The following RPAP1 variants were observed in gnomAD, a reference collection of about 807,000 sequenced individuals.
RPAP1 encodes the protein RNA polymerase II associated protein 1.
RPAP1 carries 109 observed loss-of-function variants against 142.4 expected under a neutral mutation model. The observed-to-expected ratio is 0.77, with a 90% CI of 0.66 to 0.90. The LOEUF (loss-of-function observed/expected upper bound fraction) is 0.90. Among genes scored for constraint, RPAP1 ranks in the 40% least tolerant of loss-of-function variants. The probability of loss-of-function intolerance (pLI) is 0.00; values close to 1 mark genes in which losing one functional copy is unlikely to be tolerated. For missense variants in RPAP1, 1,546 were observed against 1,751.7 expected, an observed-to-expected ratio of 0.88 and a Z score of 2.10; for synonymous variants, 704 against 738.9, an observed-to-expected ratio of 0.95 and a Z score of 0.77.
chr15:41,543,164 C>A (rs1479344094), intron 1 of RPAP1, among the ~76,000 whole-genome samples: 2 of 149,892 alleles, frequency 1.3e-5, no homozygotes. Flanking sequence ...ACTAAATGCA[C>A]TAAATGTGCG....
chr15:41,533,911 CAGG>C (rs1324841565), intron 6 of RPAP1, among the ~76,000 whole-genome samples: 4 of 150,778 alleles, frequency 2.7e-5, no homozygotes, highest in Non-Finnish European at 5.9e-5. Flanking sequence ...CACCTGAGGT[CAGG>C]AGTTCGACAC....
rs1216117628 is a variant in RPAP1 at position 41,527,848 on chromosome 15, T to A, written c.1428+12A>T. On this transcript the variant is annotated intron_variant, in intron 11 of 24. Coordinates refer to ENST00000304330, the MANE Select transcript of RPAP1 (RefSeq NM_015540.4). ...CCTCCCAGCCCAAGCCCCATTCCTA[T>A]CCCTGTGGTACCTCATCTCCAGGAG... 3 of 1,613,906 alleles carry A rather than the reference T, an allele frequency of 1.9e-6. No homozygotes were observed. The highest frequency in any genetic ancestry group is 2.5e-6 in the Non-Finnish European group (3 of 1,179,942).
At chr15:41,538,539 CAACA>C (rs1340095175) in intron 1 of RPAP1, among the ~76,000 whole-genome samples, 2 of 151,642 alleles carry the variant, frequency 1.3e-5, no homozygotes, top group Non-Finnish European at 2.9e-5. Context: ...CAAAAAAAAT[CAACA>C]AACAGGTCAG....
At chr15:41,521,239 G>T in intron 21 of RPAP1, 92 bp from the exon 22 acceptor site, 2 of 1,266,340 alleles carry the variant, frequency 1.6e-6, no homozygotes, top group Non-Finnish European at 2.2e-6. Context: ...AGGCTCCTAG[G>T]TCCAGACCTG....
Position 41,521,066 on chromosome 15 carries a change from C to A in RPAP1, c.3120G>T (p.Gly1040=). Residue 1040 remains glycine, a synonymous_variant, in exon 22 of 25, where the codon GGG becomes GGT. Transcript: ENST00000304330. The stretch of plus-strand genomic sequence containing the variant: ...AGGCCTGAGCCAGCAGAGTCCCTTG[C>A]CCACACCGAGGGACCCTGCTGCTTC... ...SLGSSRVPRC[G]QGTLLAQACQ... 1.9e-6 allele frequency: 3 copies of A among 1,560,614 alleles called. No individual in the cohort carries two copies. The highest frequency in any genetic ancestry group is 1.2e-5 in the South Asian group (1 of 81,358).
intron 6 of RPAP1, 55 bp from the exon 7 acceptor site, chr15:41,531,257 T>G (rs2051844676): frequency 6.5e-7 from 1 of 1,528,216 alleles, no homozygotes; most frequent in African/African-American, 1.4e-5. Flanking sequence ...CCTGGCCTCC[T>G]ACAGACCTGG....
At chr15:41,518,660 C>T (rs1359950247) in intron 22 of RPAP1, among the ~76,000 whole-genome samples, 2 of 144,544 alleles carry the variant, frequency 1.4e-5, no homozygotes, top group Admixed American at 1.4e-4. Flanking sequence ...GCCTGGGCAA[C>T]AGAGCAAGAC....
At chr15:41,536,086 CCTGT>C in intron 4 of RPAP1, 39 bp downstream of exon 4, 2 of 1,461,620 alleles carry the variant, frequency 1.4e-6, no homozygotes, top group Non-Finnish European at 1.9e-6. Flanking sequence ...ATGAGACTCA[CCTGT>C]CTGTCTCCTG....
chr15:41,540,520 C>T (rs1015824148), intron 1 of RPAP1, among the ~76,000 whole-genome samples: 3 of 152,150 alleles, frequency 2.0e-5, no homozygotes, highest in Non-Finnish European at 4.4e-5. Context: ...AGGCTGGTCT[C>T]GAACTCCCGA....
At chr15:41,534,982 C>A in intron 5 of RPAP1, 47 bp from the exon 6 acceptor site, 1 of 1,569,816 alleles carries the variant, frequency 6.4e-7, no homozygotes, top group South Asian at 1.1e-5. Flanking sequence ...CTCCAGGGCT[C>A]TAACTGGGCT....
chr15:41,527,452 G>T lies in RPAP1; in HGVS notation c.1582C>A (p.Pro528Thr), dbSNP rs944397034. 1.9e-6 allele frequency: 3 copies of T among 1,614,122 alleles called. No individual in the cohort carries two copies. The African/African-American group carries it at 4.0e-5, about 22-fold the overall frequency. Residue 528 changes from proline (P) to threonine (T), a missense_variant, in exon 12 of 25, where the codon CCT becomes ACT. Pro to Thr is a conservative substitution (Grantham distance 38). Coordinates refer to ENST00000304330, the MANE Select transcript of RPAP1 (RefSeq NM_015540.4). ...KSPEEESRPP[P>T]DLARHDVIKG... The stretch of plus-strand genomic sequence containing the variant: ...ATGACATCATGTCGGGCCAGGTCAG[G>T]TGGAGGCCGGCTTTCTTCTTCAGGG...
At chr15:41,528,910 G>A (rs948932018) in intron 9 of RPAP1, among the ~76,000 whole-genome samples, 7 of 152,182 alleles carry the variant, frequency 4.6e-5, no homozygotes, top group African/African-American at 1.7e-4. Flanking sequence ...ACATGGAATG[G>A]CAGGGGGGCG....
At chr15:41,529,403 G>T in intron 9 of RPAP1, 67 bp downstream of exon 9, 2 of 1,052,374 alleles carry the variant, frequency 1.9e-6, no homozygotes, top group South Asian at 2.7e-5. Flanking sequence ...AAAGGCAGTT[G>T]ACCAGAGATC....
In RPAP1 at chr15:41,518,178, G is replaced by A. The variant is rs377042208; in HGVS notation, c.3800C>T (p.Pro1267Leu). Residue 1267 changes from proline (P) to leucine (L), a missense_variant, in exon 23 of 25, where the codon CCT (proline) becomes CTT (leucine). Physicochemically the swap from Pro to Leu is moderately conservative, Grantham distance 98 (BLOSUM62 -3). Coordinates refer to ENST00000304330, the MANE Select transcript of RPAP1 (RefSeq NM_015540.4). ...CACTGTGTAACACTCCAGGGACACAGGCAACTGTGACAGGGGAAATGACGT... is the reference window on the plus strand; with the variant it reads ...CACTGTGTAACACTCCAGGGACACAAGCAACTGTGACAGGGGAAATGACGT... Reference protein sequence around the residue: ...RALSLPLTQLPVSLECYTVPP... With the variant: ...RALSLPLTQLLVSLECYTVPP... 2.6e-6 allele frequency: 4 copies of A among 1,562,988 alleles called. No individual in the cohort carries two copies. The African/African-American group carries it at 5.5e-5, about 22-fold the overall frequency.
At chr15:41,540,789 G>C (rs1323499768) in intron 1 of RPAP1, among the ~76,000 whole-genome samples, 1 of 152,162 alleles carries the variant, frequency 6.6e-6, no homozygotes, top group African/African-American at 2.4e-5. Context: ...GTCTGGAATA[G>C]TGAGGCAGAT....
intron 2 of RPAP1, 63 bp downstream of exon 2, chr15:41,536,882 A>C: frequency 3.8e-6 from 6 of 1,564,102 alleles, no homozygotes; most frequent in Non-Finnish European, 5.2e-6. Context: ...CCACAACAGG[A>C]AGAGGGAGGG....
intron 20 of RPAP1, 78 bp downstream of exon 20, chr15:41,522,020 C>G: frequency 1.3e-6 from 2 of 1,576,338 alleles, no homozygotes. Context: ...CATGGCCTGG[C>G]AGAAGCAGGC....
intron 7 of RPAP1, 107 bp from the exon 8 acceptor site, chr15:41,530,086 T>A: frequency 1.2e-6 from 1 of 811,094 alleles, no homozygotes; most frequent in Non-Finnish European, 2.1e-6. Flanking sequence ...TTCCAGGATC[T>A]GCCAGCTTCT....
At chr15:41,524,019 C>G (rs373352914) in intron 16 of RPAP1, 47 bp from the exon 17 acceptor site, 1 of 1,610,460 alleles carries the variant, frequency 6.2e-7, no homozygotes, top group South Asian at 1.1e-5. Context: ...GGCTGCCTCA[C>G]GCCCCTTTAC....
Sources: allele counts gnomAD v4.1 joint callset (sites outside exome capture counted in the v4.1 genomes callset), GRCh38; gene constraint gnomAD v4.1.1; transcripts MANE v1.5; gene names NCBI Gene and HGNC (gene_info 2026-07-23, HGNC 2026-07-21).